Variants in PKD1 observed in about 807,000 individuals in gnomAD.
PKD1 encodes the protein polycystin-1.
Under a neutral mutation model 361.7 loss-of-function variants are expected in PKD1, and 81 were observed. The observed-to-expected ratio is 0.22, with a 90% confidence interval of 0.19 to 0.27. The LOEUF (loss-of-function observed/expected upper bound fraction) is 0.27. PKD1 is among the 10% of genes least tolerant of loss of function. PKD1 has a pLI of 1.00. For synonymous variants in PKD1, 3,615 were observed against 2,818.3 expected (o/e 1.28, Z -8.95); for missense variants, 6,399 against 6,118.3 (o/e 1.05, Z -1.53).
rs566531762 is a variant in PKD1 at position 2,118,190 on chromosome 16, C to T, written c.802G>A (p.Val268Ile). 22 of 1,550,446 alleles carry T rather than the reference C, an allele frequency of 1.4e-5. No individual in the cohort carries two copies. The highest frequency in any genetic ancestry group is 5.8e-5 in the Admixed American group (3 of 51,898). ...TCRGPTLLQH[V>I]FPASPGATLV... is the part of the protein sequence containing the mutation. ...GTGGCCCCTGGGGAGGCAGGGAAGA[C>T]GTGCTGGAGGAGGGTGGGGCCCCTA... The change falls in exon 5 of 46, where the codon GTC (valine) becomes ATC (isoleucine). Residue 268 changes from valine (V) to isoleucine (I), a missense_variant. By Grantham distance (29) the Val-to-Ile change is conservative (BLOSUM62 3). Transcript: ENST00000262304. This position sits in a 1 kb window ranked among gnomAD's most constrained non-coding sequence, Gnocchi z 6.0.
chr16:2,104,228 T>G (rs1305447329), intron 22 of PKD1, among the ~76,000 whole-genome samples: 7 of 16,854 alleles, frequency 4.2e-4, no homozygotes, highest in Middle Eastern at 0.036. Flanking sequence ...ATGAGGGGGA[T>G]GAGGAAGATG....
chr16:2,113,023 G>C, intron 12 of PKD1, 60 bp from the exon 13 acceptor site: 4 of 1,509,182 alleles, frequency 2.7e-6, no homozygotes, highest in East Asian at 2.2e-5. Flanking sequence ...CCTGATTGGC[G>C]TCCCTCCCTC....
At position 2,109,110 on chromosome 16, in the gene PKD1, G is replaced by A. The variant is rs140803728; in HGVS notation, c.6057C>T (p.Val2019=). 5.6e-5 allele frequency: 89 copies of A among 1,603,002 alleles called. No homozygotes were observed. In the African/African-American group the frequency reaches 7.6e-4, roughly 14 times the overall value. The change falls in exon 15 of 46, where the codon GTC becomes GTT. Residue 2019 remains valine, a synonymous_variant. Transcript: ENST00000262304. ...SLQKVQGDSL[V]ILSGRDVTYT... is the part of the protein sequence containing the mutation. ...AGGTGACGTCGCGGCCCGACAGGATGACCAGCGAGTCGCCCTGGACCTTCT... is the reference window on the plus strand; with the variant it reads ...AGGTGACGTCGCGGCCCGACAGGATAACCAGCGAGTCGCCCTGGACCTTCT...
Position 2,100,798 on chromosome 16 carries a change from A to G in PKD1, c.9398-232T>C, listed in dbSNP as rs926992768. ...CATGGAAAGAACTGTAACTTGTGAC[A>G]TGCAAACATGGCTGCACACGCCTCA... On this transcript the variant is annotated intron_variant, in intron 26 of 45. Coordinates refer to ENST00000262304, the MANE Select transcript of PKD1 (RefSeq NM_001009944.3). The surrounding 1 kb of genome is among the most constrained non-coding windows in gnomAD (Gnocchi z 4.4). 1.7e-5 allele frequency: 10 copies of G among 574,610 alleles called. No homozygotes were observed. The highest frequency in any genetic ancestry group is 1.7e-4 in the African/African-American group (9 of 53,332). 35.6% of individuals were successfully genotyped at this position (574,610 alleles called of 1,614,324 possible).
Position 2,103,641 on chromosome 16 carries a change from A to T in PKD1, c.8416T>A (p.Phe2806Ile). ...CCGCTGAAAGCCTCGGGGATGGAGAAGTGGCAGCCAGGCCCTGGGGCGCCG... is the reference window on the plus strand; with the variant it reads ...CCGCTGAAAGCCTCGGGGATGGAGATGTGGCAGCCAGGCCCTGGGGCGCCG... ...YGGAPGPGCH[F>I]SIPEAFSGAL... The change falls in exon 23 of 46, where the codon TTC becomes ATC. Residue 2806 changes from phenylalanine to isoleucine, a missense_variant. Coordinates refer to ENST00000262304, the MANE Select transcript of PKD1 (RefSeq NM_001009944.3). 6.2e-7 allele frequency: 1 copy of T among 1,610,356 alleles called. No individual in the cohort carries two copies. Among genetic ancestry groups the T allele is most frequent in the South Asian group, 1.1e-5 (1 of 90,990 alleles).
At chr16:2,112,146 G>A (rs376643070) in intron 14 of PKD1, among the ~76,000 whole-genome samples, 194 bp downstream of exon 14, 18 of 152,278 alleles carry the variant, frequency 1.2e-4, no homozygotes, top group African/African-American at 3.8e-4. Context: ...GCGCAGTTCA[G>A]GGGCCCAGCT....
At chr16:2,112,202 G>C in intron 14 of PKD1, 138 bp downstream of exon 14, 3 of 802,478 alleles carry the variant, frequency 3.7e-6, no homozygotes, top group Non-Finnish European at 6.2e-6. Flanking sequence ...CACCCCAGTA[G>C]GGGCCTAAGC....
rs2855368 is a variant in PKD1, at chr16:2,089,612, T to C, written c.*115A>G. The C allele has an allele frequency of 3.1e-6, 4 of 1,308,040 alleles. No homozygotes were observed. The highest frequency in any genetic ancestry group is 2.6e-5 in the South Asian group (2 of 77,266). The allele number at this position is 1,308,040 out of a possible 1,614,324, so 81.0% of individuals were successfully genotyped here. On this transcript the variant is annotated 3_prime_UTR_variant, in exon 46 of 46. Transcript: ENST00000262304. ...GACAGACAGATGCCCCTGCCTGCTCTCTGGGGAACCTACGTGCAGCCATTC... is the reference window on the plus strand; with the variant it reads ...GACAGACAGATGCCCCTGCCTGCTCCCTGGGGAACCTACGTGCAGCCATTC...
chr16:2,109,315 C>G lies in PKD1; in HGVS notation c.5852G>C (p.Arg1951Pro). 1 of 1,587,240 alleles carries G rather than the reference C, an allele frequency of 6.3e-7. No homozygotes were observed. The change falls in exon 15 of 46, where the codon CGG (arginine) becomes CCG (proline). Residue 1951 changes from arginine (R) to proline (P), a missense_variant. Coordinates refer to ENST00000262304, the MANE Select transcript of PKD1 (RefSeq NM_001009944.3). ...GGCCCAGCTCACGTGGTTTTTGCCC[C>G]GCACGCTCACCACGTGGTCTCCGAC... ...PRVGDHVVSV[R>P]GKNHVSWAQA...
In PKD1 at chr16:2,114,833, C is replaced by T. The variant is rs774159063; in HGVS notation, c.2190G>A (p.Ser730=). 53 of 1,370,714 alleles carry T rather than the reference C, an allele frequency of 3.9e-5. No homozygotes were observed. Among genetic ancestry groups the T allele is most frequent in the East Asian group, 1.2e-4 (5 of 40,098 alleles). The allele number at this position is 1,370,714 out of a possible 1,614,324, so 84.9% of individuals were successfully genotyped here. A position where few individuals can be genotyped will look rare whatever the true frequency, so the allele number is the denominator to read the frequency against. Reference sequence around the variant, plus strand: ...GGGGACCAGGGTGGCCGGGAGCCGGCGAGCAGTGCAGGAGGGCGCCAGGGC... The same window carrying T: ...GGGGACCAGGGTGGCCGGGAGCCGGTGAGCAGTGCAGGAGGGCGCCAGGGC... ...DAGPGALLHC[S]PAPGHPGPRA... is the part of the protein sequence containing the mutation. The change falls in exon 11 of 46, where the codon TCG becomes TCA. Residue 730 remains serine, a synonymous_variant. Coordinates refer to ENST00000262304, the MANE Select transcript of PKD1 (RefSeq NM_001009944.3).
Position 2,110,175 on chromosome 16 carries a change from G to A in PKD1, c.4992C>T (p.Tyr1664=). ...CCCTGTCCCTCCAGGCAGTCCAGCT[G>A]TAGGAGACGTTGGTGCCATCCCTAA... is the stretch of plus-strand genomic sequence containing the variant. The part of the protein sequence containing the change: ...AVVRDGTNVS[Y]SWTAWRDRGP... Residue 1664 remains tyrosine (Y), a synonymous_variant, in exon 15 of 46, where the codon TAC becomes TAT. Transcript: ENST00000262304. 1 of 1,610,988 alleles carries A rather than the reference G, an allele frequency of 6.2e-7. No homozygotes were observed. Among genetic ancestry groups the A allele is most frequent in the South Asian group, 1.1e-5 (1 of 90,994 alleles).
intron 8 of PKD1, 116 bp downstream of exon 8, chr16:2,116,413 G>C (rs1224242105): frequency 3.1e-6 from 2 of 646,494 alleles, no homozygotes; most frequent in East Asian, 2.7e-5. Context: ...ATCTTCACTG[G>C]GCACAAGCAA....
Position 2,109,034 on chromosome 16 carries a change from C to G in PKD1, c.6133G>C (p.Ala2045Pro), listed in dbSNP as rs544753708. Residue 2045 changes from alanine (A) to proline (P), a missense_variant, in exon 15 of 46, where the codon GCC (alanine) becomes CCC (proline). By Grantham distance (27) the Ala-to-Pro change is conservative. Coordinates refer to ENST00000262304, the MANE Select transcript of PKD1 (RefSeq NM_001009944.3). ...LLEIQVRAFN[A>P]LGSENRTLVL... is the part of the protein sequence containing the mutation. ...AGCGTGCGGTTCTCACTGCCCAGGG[C>G]GTTGAAGGCGCGCACCTGGATCTCC... 2 of 1,608,924 alleles carry G rather than the reference C, an allele frequency of 1.2e-6. No homozygotes were observed. Among genetic ancestry groups the G allele is most frequent in the South Asian group, 2.2e-5 (2 of 90,992 alleles).
intron 45 of PKD1, 43 bp from the exon 46 acceptor site, chr16:2,090,237 G>A (rs1267780539): frequency 6.2e-7 from 1 of 1,609,224 alleles, no homozygotes; most frequent in Non-Finnish European, 8.5e-7. Context: ...CTGCACCCTG[G>A]GCAGAGCCCA....
At chr16:2,131,553 TCA>T (rs985358863) in intron 1 of PKD1, among the ~76,000 whole-genome samples, 1 of 151,780 alleles carries the variant, frequency 6.6e-6, no homozygotes, top group African/African-American at 2.4e-5. Context: ...AATACATCAC[TCA>T]CACCTGTAAT....
chr16:2,101,160 G>T (rs2092081584), intron 26 of PKD1, among the ~76,000 whole-genome samples: 1 of 151,942 alleles, frequency 6.6e-6, no homozygotes. Flanking sequence ...TAATTTTTTT[G>T]TACTTTTTAT....
Position 2,090,828 on chromosome 16 carries a change from C to CGTG in PKD1, c.12004-21_12004-20insCAC. 6.2e-7 allele frequency: 1 copy of CGTG among 1,611,764 alleles called. No individual in the cohort carries two copies. Among genetic ancestry groups the CGTG allele is most frequent in the East Asian group, 2.2e-5 (1 of 44,870 alleles). On this transcript the variant is annotated intron_variant, in intron 43 of 45. Coordinates refer to ENST00000262304, the MANE Select transcript of PKD1 (RefSeq NM_001009944.3). ...GGCAGCCTGCGGACGAGAAATCTGT[C>CGTG]TGCTTGCAGCCCTGGGGTGTGCGCC...
rs952633644 is a variant in PKD1 at position 2,112,355 on chromosome 16, T to C, written c.3280A>G (p.Thr1094Ala). The C allele has an allele frequency of 6.3e-6, 10 of 1,587,894 alleles. No individual in the cohort carries two copies. The highest frequency in any genetic ancestry group is 2.2e-5 in the East Asian group (1 of 44,858). ...CATCCCTCACCTGGGGCAGCGTAGG[T>C]GTGCATGACATTGTGCTCCACCAGC... ...QVLVEHNVMH[T>A]YAAPGEYLLT... The change falls in exon 14 of 46, where the codon ACC becomes GCC. Residue 1094 changes from threonine (T) to alanine (A), a missense_variant. Transcript: ENST00000262304.
chr16:2,101,412 C>G (rs928683456), intron 26 of PKD1, among the ~76,000 whole-genome samples: 1 of 152,070 alleles, frequency 6.6e-6, no homozygotes, highest in Admixed American at 6.6e-5. Context: ...CTCTGGCAGG[C>G]CGAGGCAGGC....
Sources: gnomAD v4.1 joint callset for allele counts (sites outside exome capture counted in the v4.1 genomes callset) on GRCh38, gnomAD v4.1.1 for gene constraint, Gnocchi (gnomAD v3.1) non-coding constraint, MANE v1.5 for transcripts, NCBI Gene and HGNC (gene_info 2026-07-23, HGNC 2026-07-21) for gene names.